Variants in DMBT1 observed in about 807,000 individuals in gnomAD.
The protein encoded by DMBT1 is scavenger receptor cysteine-rich domain-containing protein DMBT1.
Under a neutral mutation model 252.9 loss-of-function variants are expected in DMBT1, and 198 were observed. That is an observed-to-expected ratio of 0.78 (90% confidence interval 0.70 to 0.88). The LOEUF is 0.88. DMBT1 is among the 40% of genes least tolerant of loss of function. DMBT1 has a pLI of 0.00. For missense variants in DMBT1, 2,432 were observed against 2,404.7 expected (o/e 1.01, Z -0.24); for synonymous variants, 990 against 942.7 (o/e 1.05, Z -0.92).
At chr10:122,578,564 G>A (rs2097733849) in intron 8 of DMBT1, among the ~76,000 whole-genome samples, 154 bp from the exon 9 acceptor site, 1 of 152,138 alleles carries the variant, frequency 6.6e-6, no homozygotes, top group Non-Finnish European at 1.5e-5. Context: ...TGAGTTCCCT[G>A]GGCAGGAGAC....
intron 2 of DMBT1, 58 bp from the exon 3 acceptor site, chr10:122,570,104 A>G: frequency 1.4e-6 from 2 of 1,463,992 alleles, no homozygotes; most frequent in African/African-American, 1.4e-5. Flanking sequence ...GAAGCCAGGG[A>G]CCAGCCCTCC....
rs1373200774 is a variant in DMBT1, at chr10:122,637,409, AT to A, written c.6942+101del. 2.3e-6 allele frequency: 3 copies of A among 1,328,972 alleles called. No homozygotes were observed. In the Admixed American group the frequency reaches 8.4e-5, roughly 37 times the overall value. 82.3% of individuals were successfully genotyped at this position (1,328,972 alleles called of 1,614,324 possible). A position where few individuals can be genotyped will look rare whatever the true frequency, so the allele number is the denominator to read the frequency against. On this transcript the variant is annotated intron_variant, in intron 54 of 55. Transcript: ENST00000338354. ...GAATTCTGGGGATGAAGAAATTATG[AT>A]TTTGGGATAATCAGGACATAATTGG...
intron 5 of DMBT1, among the ~76,000 whole-genome samples, chr10:122,573,084 G>A (rs1032862429): frequency 4.6e-5 from 7 of 152,212 alleles, no homozygotes; most frequent in African/African-American, 1.2e-4. Context: ...GTCCCATGGC[G>A]TGATCCCCAA....
At chr10:122,635,933 C>T in intron 52 of DMBT1, 58 bp from the exon 53 acceptor site, 2 of 1,582,814 alleles carry the variant, frequency 1.3e-6, no homozygotes, top group Non-Finnish European at 8.7e-7. Flanking sequence ...TGAGATCTGA[C>T]CCCCTGCGTC....
intron 17 of DMBT1, among the ~76,000 whole-genome samples, chr10:122,589,755 C>G (rs539218649): frequency 6.8e-6 from 1 of 148,146 alleles, no homozygotes; most frequent in Non-Finnish European, 1.5e-5. Context: ...CAAGAGAGGG[C>G]AAGAAGGAAG....
intron 7 of DMBT1, 130 bp downstream of exon 7, chr10:122,576,852 C>A: frequency 9.1e-7 from 1 of 1,100,944 alleles, no homozygotes; most frequent in Non-Finnish European, 1.3e-6. Flanking sequence ...AGATGGCAAA[C>A]CCCATCTCTA....
intron 7 of DMBT1, among the ~76,000 whole-genome samples, chr10:122,577,317 T>G (rs1425045933): frequency 5.3e-5 from 8 of 152,140 alleles, no homozygotes; most frequent in Non-Finnish European, 1.0e-4. Context: ...AATAGTTCAC[T>G]TATGATTGCT....
At chr10:122,589,429 T>G (rs967774179) in intron 17 of DMBT1, among the ~76,000 whole-genome samples, 162 bp downstream of exon 17, 2 of 148,298 alleles carry the variant, frequency 1.3e-5, no homozygotes, top group Non-Finnish European at 3.0e-5. Flanking sequence ...TTCACCACAG[T>G]GCCAGGTTTT....
rs1490649284 is a variant in DMBT1, at chr10:122,640,450, G to A, written c.7352+1G>A. On this transcript the variant is annotated splice_donor_variant, in intron 55 of 55. Transcript: ENST00000338354. LOFTEE classifies it high-confidence loss of function. ...TGACTTATGATCTAATCCGGAGTGGGTAAGGAGTGTCTTTATGCGATGGCC... is the reference window on the plus strand; with the variant it reads ...TGACTTATGATCTAATCCGGAGTGGATAAGGAGTGTCTTTATGCGATGGCC... 5 of 1,609,170 alleles carry A rather than the reference G, an allele frequency of 3.1e-6. No homozygotes were observed. The highest frequency in any genetic ancestry group is 4.2e-6 in the Non-Finnish European group (5 of 1,177,526).
At chr10:122,589,755 C>A (rs539218649) in intron 17 of DMBT1, among the ~76,000 whole-genome samples, 4 of 148,266 alleles carry the variant, frequency 2.7e-5, no homozygotes, top group African/African-American at 9.7e-5. Flanking sequence ...CAAGAGAGGG[C>A]AAGAAGGAAG....
intron 44 of DMBT1, among the ~76,000 whole-genome samples, 165 bp from the exon 45 acceptor site, chr10:122,625,112 C>CT (rs1565926947): frequency 6.6e-6 from 1 of 152,188 alleles, no homozygotes; most frequent in South Asian, 2.1e-4. Context: ...CTTCCAACAT[C>CT]TTTTTTTGAG....
chr10:122,618,390 G>T (rs753146984), intron 41 of DMBT1, 50 bp downstream of exon 41: 1 of 1,613,224 alleles, frequency 6.2e-7, no homozygotes, highest in Non-Finnish European at 8.5e-7. Context: ...AGTTTGCTCA[G>T]GAAGAAAATC....
chr10:122,600,994 C>A lies in DMBT1; in HGVS notation c.3314C>A (p.Thr1105Asn). The A allele has an allele frequency of 1.1e-6, 1 of 948,472 alleles. No individual in the cohort carries two copies. Among genetic ancestry groups the A allele is most frequent in the Non-Finnish European group, 1.7e-6 (1 of 594,734 alleles). 58.8% of individuals were successfully genotyped at this position (948,472 alleles called of 1,614,324 possible). The change falls in exon 28 of 56, where the codon ACT becomes AAT. Residue 1105 changes from threonine to asparagine, a missense_variant. Around this residue, in one of 3 missense-constraint regions of DMBT1, gnomAD observed 1,264 missense variants for 1,082.2 expected, o/e 1.17. Coordinates refer to ENST00000338354, the MANE Select transcript of DMBT1 (RefSeq NM_001377530.1). ...TTTCCTTTGTTGCAATTTACAGACA[C>A]TTGGCCAACCTCACATGCATCAACA... ...SQSRPTPSPD[T>N]WPTSHASTAG...
intron 48 of DMBT1, 98 bp downstream of exon 48, chr10:122,630,588 TCAGCGATG>T: frequency 1.6e-6 from 2 of 1,262,412 alleles, no homozygotes; most frequent in Non-Finnish European, 2.3e-6. Context: ...AAGAAGGGCC[TCAGCGATG>T]CACGGCCCAT....
chr10:122,639,851 G>A (rs994602172), intron 54 of DMBT1, among the ~76,000 whole-genome samples, 189 bp from the exon 55 acceptor site: 9 of 152,216 alleles, frequency 5.9e-5, no homozygotes, highest in African/African-American at 9.7e-5. Context: ...GACCCAGAGT[G>A]TAAGCTCTGG....
At chr10:122,565,714 G>A (rs981606642) in intron 1 of DMBT1, among the ~76,000 whole-genome samples, 4 of 152,184 alleles carry the variant, frequency 2.6e-5, no homozygotes, top group Non-Finnish European at 4.4e-5. Flanking sequence ...ACCATAAGCT[G>A]TAGTGTTAGG....
At chr10:122,575,525 G>T (rs1397890471) in intron 6 of DMBT1, among the ~76,000 whole-genome samples, 3 of 152,002 alleles carry the variant, frequency 2.0e-5, no homozygotes, top group African/African-American at 7.2e-5. Flanking sequence ...GTTTTTTTTG[G>T]GGGGGTGTGG....
At chr10:122,577,955 A>C in intron 8 of DMBT1, 115 bp downstream of exon 8, 4 of 1,152,648 alleles carry the variant, frequency 3.5e-6, no homozygotes, top group Non-Finnish European at 3.7e-6. Flanking sequence ...ATATTATTTC[A>C]CCCCCAACTC....
At chr10:122,625,358 C>T in intron 45 of DMBT1, 55 bp downstream of exon 45, 1 of 1,548,778 alleles carries the variant, frequency 6.5e-7, no homozygotes. Flanking sequence ...TCCACCCTCT[C>T]TTGTTTCCAG....
Sources: gnomAD v4.1 joint callset for allele counts (sites outside exome capture counted in the v4.1 genomes callset) on GRCh38, gnomAD v4.1.1 for gene constraint, gnomAD v4.1.1 regional missense constraint, MANE v1.5 for transcripts, NCBI Gene and HGNC (gene_info 2026-07-23, HGNC 2026-07-21) for gene names.